Variants in PCDH15 observed in about 807,000 individuals in gnomAD.
PCDH15 encodes the protein protocadherin related 15.
PCDH15 carries 129 observed loss-of-function variants against 178.5 expected under a neutral mutation model. The ratio of observed to expected loss-of-function variants is 0.72; its 90% CI spans 0.63 to 0.84. The LOEUF (loss-of-function observed/expected upper bound fraction) is 0.84, where lower values mean the gene tolerates loss of function less well. PCDH15 is among the 40% of genes least tolerant of loss of function. The pLI, the probability that PCDH15 is intolerant of heterozygous loss-of-function variation, is 0.00. For missense variants in PCDH15, 2,230 were observed against 2,099.9 expected, an observed-to-expected ratio of 1.06 and a Z score of -1.21; for synonymous variants, 800 against 732.0, an observed-to-expected ratio of 1.09 and a Z score of -1.50.
chr10:54,807,684 A>C (rs1952800445), intron 3 of PCDH15, among the ~76,000 whole-genome samples: 1 of 148,260 alleles, frequency 6.7e-6, no homozygotes, highest in South Asian at 2.1e-4. Context: ...ATTTATATAT[A>C]TATTTATAAG....
At chr10:54,497,418 C>T (rs1277995425) in intron 3 of PCDH15, among the ~76,000 whole-genome samples, 2 of 152,098 alleles carry the variant, frequency 1.3e-5, no homozygotes, top group Non-Finnish European at 2.9e-5. Context: ...AATGACTGCA[C>T]TAACTCCCCA....
chr10:54,358,480 T>A (rs561069910), intron 5 of PCDH15, among the ~76,000 whole-genome samples: 3 of 152,156 alleles, frequency 2.0e-5, no homozygotes, highest in Non-Finnish European at 4.4e-5. Flanking sequence ...TCACACAAGT[T>A]AGAATGGCAA....
At chr10:54,263,428 C>T (rs966223810) in intron 8 of PCDH15, among the ~76,000 whole-genome samples, 7 of 152,168 alleles carry the variant, frequency 4.6e-5, no homozygotes, top group Non-Finnish European at 1.0e-4. Flanking sequence ...AGCAGTAGCT[C>T]TTCCCATAAG....
At chr10:54,781,183 T>G (rs911003102) in intron 1 of PCDH15, among the ~76,000 whole-genome samples, 2 of 152,092 alleles carry the variant, frequency 1.3e-5, no homozygotes, top group Admixed American at 6.6e-5. Flanking sequence ...TTTTTTATTA[T>G]ACTTTAAGTT....
intron 3 of PCDH15, among the ~76,000 whole-genome samples, chr10:54,806,609 G>C (rs4935558): frequency 6.6e-6 from 1 of 150,728 alleles, no homozygotes; most frequent in Non-Finnish European, 1.5e-5. Context: ...TCAGCCTCCT[G>C]AGTAGCTGGG....
chr10:54,923,595 T>C (rs1591786335), intron 2 of PCDH15, among the ~76,000 whole-genome samples: 1 of 138,182 alleles, frequency 7.2e-6, no homozygotes. Flanking sequence ...TTGAACACTT[T>C]GCTGCTTAGA....
intron 1 of PCDH15, among the ~76,000 whole-genome samples, chr10:55,286,263 T>C (rs1842867272): frequency 6.6e-6 from 1 of 151,910 alleles, no homozygotes; most frequent in African/African-American, 2.4e-5. Flanking sequence ...ACAATTACAG[T>C]TTTCTAAACA....
chr10:54,501,698 A>G (rs897079382), intron 3 of PCDH15, among the ~76,000 whole-genome samples: 4 of 152,068 alleles, frequency 2.6e-5, no homozygotes, highest in Non-Finnish European at 4.4e-5. Context: ...TAAACTCATT[A>G]TTTAAAGATA....
chr10:55,015,490 A>G (rs974311240), intron 2 of PCDH15, among the ~76,000 whole-genome samples: 2 of 152,156 alleles, frequency 1.3e-5, no homozygotes, highest in Non-Finnish European at 2.9e-5. Context: ...AGCGCTGTTC[A>G]ATGTACTTAG....
chr10:54,646,395 A>C lies in PCDH15; in HGVS notation c.91+17777T>G, dbSNP rs895073608. 2.6e-5 allele frequency among the ~76,000 whole-genome samples: 4 copies of C among 152,132 alleles called. No individual in the cohort carries two copies. The East Asian group carries it at 5.8e-4, about 22-fold the overall frequency. ...CTGGAACCAAGCCCCAAGGATATTG[A>C]GGGACAACTGTATTTTTATCCCCAG... On this transcript the variant is annotated intron_variant, in intron 2 of 37. Coordinates refer to ENST00000644397, the MANE Select transcript of PCDH15 (RefSeq NM_001384140.1).
chr10:55,079,995 G>A (rs945160185), intron 2 of PCDH15, among the ~76,000 whole-genome samples: 1 of 152,082 alleles, frequency 6.6e-6, no homozygotes. Context: ...TGGTGGGTTT[G>A]AAGAATCTGG....
At chr10:55,356,711 T>A (rs547348671) in intron 2 of PCDH15, among the ~76,000 whole-genome samples, 1 of 152,008 alleles carries the variant, frequency 6.6e-6, no homozygotes, top group African/African-American at 2.4e-5. Flanking sequence ...TATTAACCAA[T>A]TTAGTTGTTA....
At chr10:54,607,530 A>G (rs2092795343) in intron 2 of PCDH15, among the ~76,000 whole-genome samples, 3 of 152,076 alleles carry the variant, frequency 2.0e-5, no homozygotes, top group Admixed American at 2.0e-4. Context: ...TTCCTGGCAT[A>G]TGTTTATGTT....
chr10:54,973,007 A>G (rs922063563), intron 2 of PCDH15, among the ~76,000 whole-genome samples: 1 of 151,820 alleles, frequency 6.6e-6, no homozygotes, highest in African/African-American at 2.4e-5. Context: ...ATATTATTAA[A>G]TTATTAAAAT....
intron 2 of PCDH15, among the ~76,000 whole-genome samples, chr10:54,593,444 G>A (rs1047804579): frequency 2.0e-5 from 3 of 152,112 alleles, no homozygotes; most frequent in South Asian, 4.1e-4. Context: ...TTTCCCCAGT[G>A]TGTATTCTTG....
intron 3 of PCDH15, among the ~76,000 whole-genome samples, chr10:54,820,376 T>C (rs750399022): frequency 1.1e-4 from 16 of 152,096 alleles, no homozygotes; most frequent in Non-Finnish European, 5.9e-5. Context: ...ATATTGATGA[T>C]CTCATTTAGT....
intron 1 of PCDH15, among the ~76,000 whole-genome samples, chr10:55,209,505 C>T (rs571383421): frequency 6.6e-6 from 1 of 151,222 alleles, no homozygotes; most frequent in South Asian, 2.1e-4. Context: ...TGGATGAGGA[C>T]GTGAGGAAAA....
chr10:54,675,619 C>T (rs10825371), intron 1 of PCDH15, among the ~76,000 whole-genome samples: 117,160 of 152,066 alleles, frequency 0.77, 46,116 homozygotes, highest in Middle Eastern at 0.89. Context: ...TGTAAGACTT[C>T]TCTGACAAGT....
chr10:54,084,574 G>C (rs540781750), intron 16 of PCDH15, among the ~76,000 whole-genome samples: 4 of 152,110 alleles, frequency 2.6e-5, no homozygotes, highest in Non-Finnish European at 5.9e-5. Flanking sequence ...TTTGAGACTA[G>C]CCTGGGCAAC....
Sources: allele counts gnomAD v4.1 joint callset (sites outside exome capture counted in the v4.1 genomes callset), GRCh38; gene constraint gnomAD v4.1.1; transcripts MANE v1.5; gene names NCBI Gene and HGNC (gene_info 2026-07-23, HGNC 2026-07-21).